The following DISP1 variants were observed in gnomAD, a reference collection of about 807,000 sequenced individuals.
DISP1 encodes protein dispatched homolog 1.
In DISP1, 30 loss-of-function variants were observed where a neutral mutation model predicts 37.3. The observed-to-expected ratio is 0.80, with a 90% CI of 0.60 to 1.09. The LOEUF is 1.09. Among genes scored for constraint, DISP1 ranks in the 50% least tolerant of loss-of-function variants. DISP1 has a pLI of 0.00. For synonymous variants in DISP1, 634 were observed against 690.2 expected, an observed-to-expected ratio of 0.92 and a Z score of 1.28; for missense variants, 1,598 against 1,879.5, an observed-to-expected ratio of 0.85 and a Z score of 2.77.
chr1:222,964,295 C>G (rs1269343642), intron 3 of DISP1, among the ~76,000 whole-genome samples: 1 of 22,614 alleles, frequency 4.4e-5, no homozygotes, highest in African/African-American at 1.2e-4. Flanking sequence ...GAGACTCTAT[C>G]TCAAAAAAAA....
intron 1 of DISP1, among the ~76,000 whole-genome samples, chr1:222,879,749 A>G (rs755821595): frequency 5.5e-4 from 84 of 152,264 alleles, no homozygotes; most frequent in Non-Finnish European, 8.1e-4. Flanking sequence ...CAAAAAGGCA[A>G]TTCACTCAAC....
chr1:222,846,524 G>A (rs990738376), intron 1 of DISP1, among the ~76,000 whole-genome samples: 5 of 152,154 alleles, frequency 3.3e-5, no homozygotes, highest in African/African-American at 4.8e-5. Flanking sequence ...CAGGGAATAT[G>A]AGTTGATAAT....
At chr1:222,999,301 C>G (rs1240006672) in intron 8 of DISP1, among the ~76,000 whole-genome samples, 1 of 152,112 alleles carries the variant, frequency 6.6e-6, no homozygotes, top group Admixed American at 6.6e-5. Flanking sequence ...AAGTTGCTTC[C>G]ACTAACTCCA....
At chr1:222,993,462 C>T (rs556590575) in intron 7 of DISP1, among the ~76,000 whole-genome samples, 10 of 151,878 alleles carry the variant, frequency 6.6e-5, no homozygotes, top group Admixed American at 1.3e-4. Flanking sequence ...GTATTTTTTC[C>T]TGTCTTATTA....
intron 1 of DISP1, among the ~76,000 whole-genome samples, chr1:222,820,373 C>T (rs1326354878): frequency 6.6e-6 from 1 of 152,132 alleles, no homozygotes; most frequent in Admixed American, 6.5e-5. Context: ...CACAAGCTAG[C>T]CATTGGGTGA....
At chr1:222,826,024 T>C (rs1021189474) in intron 1 of DISP1, among the ~76,000 whole-genome samples, 7 of 152,080 alleles carry the variant, frequency 4.6e-5, no homozygotes, top group African/African-American at 1.7e-4. Flanking sequence ...GCCTTACCCT[T>C]CCAAGTTTCT....
At chr1:222,900,449 A>G (rs554634351) in intron 1 of DISP1, among the ~76,000 whole-genome samples, 65 of 152,330 alleles carry the variant, frequency 4.3e-4, no homozygotes, top group Non-Finnish European at 6.3e-4. Context: ...CCAGTTGATG[A>G]GTAGTTTTGA....
At chr1:222,819,536 A>C (rs113008827) in intron 1 of DISP1, among the ~76,000 whole-genome samples, 54 of 89,608 alleles carry the variant, frequency 6.0e-4, no homozygotes, top group Middle Eastern at 6.2e-3. Flanking sequence ...ACACACACAT[A>C]TCTTTTTTTT....
intron 2 of DISP1, among the ~76,000 whole-genome samples, chr1:222,938,250 A>G (rs61840883): frequency 0.093 from 14,140 of 152,206 alleles, 768 homozygotes; most frequent in Non-Finnish European, 0.12. Context: ...AAATATTACT[A>G]TCACTGCATT....
intron 1 of DISP1, among the ~76,000 whole-genome samples, chr1:222,838,225 C>G (rs1439831017): frequency 1.3e-5 from 2 of 152,054 alleles, no homozygotes; most frequent in Non-Finnish European, 2.9e-5. Flanking sequence ...ATTGTTCATA[C>G]TTGAGCCACT....
chr1:223,003,444 T>C lies in DISP1; in HGVS notation c.2047T>C (p.Cys683Arg), dbSNP rs745521672. ...PQQQIYDNKSCWTVACQKCHK... is the reference protein window; with the variant it reads ...PQQQIYDNKSRWTVACQKCHK... ...GCAGCAAATATATGATAACAAAAGC[T>C]GCTGGACAGTGGCTTGCCAGAAGTG... Residue 683 changes from cysteine to arginine, a missense_variant, in exon 9 of 9, where the codon TGC becomes CGC. Coordinates refer to ENST00000675850, the MANE Select transcript of DISP1 (RefSeq NM_001377229.1). The surrounding 1 kb of genome is among the most constrained non-coding windows in gnomAD (Gnocchi z 4.3). The C allele has an allele frequency of 3.7e-6, 6 of 1,614,044 alleles. No homozygotes were observed. Among genetic ancestry groups the C allele is most frequent in the Non-Finnish European group, 5.1e-6 (6 of 1,180,044 alleles).
At chr1:222,936,859 A>T (rs562453703) in intron 2 of DISP1, among the ~76,000 whole-genome samples, 29 of 59,306 alleles carry the variant, frequency 4.9e-4, no homozygotes, top group African/African-American at 1.9e-3. Context: ...TATGATATAT[A>T]ATTTATATAT....
rs1436275589 is a variant in DISP1 at position 222,991,576 on chromosome 1, G to A, written c.720G>A (p.Met240Ile). ...IGQRLVTWNN[M>I]VKNTGYKATL... is the part of the protein sequence containing the mutation. ...AGAGATTGGTCACATGGAATAATAT[G>A]GTGAAAAATACAGGATACAAAGCAA... The change falls in exon 6 of 9, where the codon ATG (methionine) becomes ATA (isoleucine). Residue 240 changes from methionine to isoleucine, a missense_variant. Transcript: ENST00000675850. 1 of 1,613,626 alleles carries A rather than the reference G, an allele frequency of 6.2e-7. No individual in the cohort carries two copies. Among genetic ancestry groups the A allele is most frequent in the East Asian group, 2.2e-5 (1 of 44,826 alleles).
chr1:222,841,354 T>G (rs1667602451), intron 1 of DISP1, among the ~76,000 whole-genome samples: 1 of 152,186 alleles, frequency 6.6e-6, no homozygotes, highest in African/African-American at 2.4e-5. Context: ...TCTTAAACCA[T>G]TTAATCCTCA....
intron 1 of DISP1, among the ~76,000 whole-genome samples, chr1:222,886,905 A>G (rs1670630666): frequency 1.3e-5 from 2 of 152,246 alleles, no homozygotes; most frequent in Admixed American, 6.5e-5. Context: ...TAGTTGCTCA[A>G]AATGATTCCT....
In DISP1 at chr1:222,972,423, C is replaced by T. The variant is rs562906035; in HGVS notation, c.510-10657C>T. ...ACACATTGCTACCAAATCAGTCCTCCGAAAATAGTGTTTTTATCCTATCAG... is the reference window on the plus strand; with the variant it reads ...ACACATTGCTACCAAATCAGTCCTCTGAAAATAGTGTTTTTATCCTATCAG... On this transcript the variant is annotated intron_variant, in intron 3 of 8. Coordinates refer to ENST00000675850, the MANE Select transcript of DISP1 (RefSeq NM_001377229.1). Among the ~76,000 whole-genome samples the T allele has an allele frequency of 3.6e-4, 55 of 152,166 alleles. No individual in the cohort carries two copies. The South Asian group carries it at 6.4e-3, about 18-fold the overall frequency.
intron 1 of DISP1, among the ~76,000 whole-genome samples, chr1:222,875,830 TA>T (rs3028391): frequency 0.58 from 77,273 of 132,232 alleles, 21,670 homozygotes; most frequent in African/African-American, 0.69. Flanking sequence ...CACATCTCAA[TA>T]AAAAAAAAAA....
intron 6 of DISP1, 118 bp downstream of exon 6, chr1:222,991,765 C>A: frequency 8.3e-7 from 1 of 1,205,730 alleles, no homozygotes; most frequent in Non-Finnish European, 1.2e-6. Context: ...AAATCTTTGC[C>A]ACTGAATTTG....
At chr1:222,980,911 CTACTAAAAATGCAAAAA>C (rs1677785036) in intron 3 of DISP1, among the ~76,000 whole-genome samples, 1 of 152,182 alleles carries the variant, frequency 6.6e-6, no homozygotes, top group Non-Finnish European at 1.5e-5. Context: ...AACCCCATCT[CTACTAAAAATGCAAAAA>C]TTAGCTGGGC....
Sources: allele counts gnomAD v4.1 joint callset (sites outside exome capture counted in the v4.1 genomes callset), GRCh38; gene constraint gnomAD v4.1.1; non-coding constraint Gnocchi (gnomAD v3.1); transcripts MANE v1.5; gene names NCBI Gene and HGNC (gene_info 2026-07-23, HGNC 2026-07-21).